Variants in CCDC171 observed in about 807,000 individuals in gnomAD.
CCDC171 encodes the protein coiled-coil domain-containing protein 171.
CCDC171 carries 177 observed loss-of-function variants against 168.2 expected under a neutral mutation model. That is an observed-to-expected ratio of 1.05 (90% CI 0.93 to 1.19). The LOEUF (loss-of-function observed/expected upper bound fraction) is 1.19, where lower values mean the gene tolerates loss of function less well. Among genes scored for constraint, CCDC171 ranks in the 50% most tolerant of loss-of-function variants. CCDC171 has a pLI of 0.00. For synonymous variants in CCDC171, 687 were observed against 540.8 expected, an observed-to-expected ratio of 1.27 and a Z score of -3.75; for missense variants, 1,991 against 1,539.0, an observed-to-expected ratio of 1.29 and a Z score of -4.91.
chr9:15,590,830 T>TTTCTTTC (rs1491053484), intron 4 of CCDC171, among the ~76,000 whole-genome samples: 17 of 146,528 alleles, frequency 1.2e-4, no homozygotes, highest in African/African-American at 3.3e-4. Context: ...TCTTTCTTTC[T>TTTCTTTC]TTCTTCTTCT....
At chr9:15,623,475 G>GCGCACGCGCGCACACACA in intron 7 of CCDC171, 62 bp downstream of exon 7, 14 of 315,440 alleles carry the variant, frequency 4.4e-5, no homozygotes, top group Non-Finnish European at 7.5e-5. Context: ...GCGCGCGCGC[G>GCGCACGCGCGCACACACA]CACACACACA....
chr9:15,672,708 A>G (rs1247680963), intron 9 of CCDC171, among the ~76,000 whole-genome samples: 2 of 152,168 alleles, frequency 1.3e-5, no homozygotes. Context: ...CCATTGGTCT[A>G]TATATCTGTT....
chr9:15,629,744 A>C (rs1333506501), intron 7 of CCDC171, among the ~76,000 whole-genome samples: 2 of 152,202 alleles, frequency 1.3e-5, no homozygotes, highest in East Asian at 1.9e-4. Context: ...CCAAAGTTGA[A>C]ATGAAGGAAA....
At chr9:16,019,238 C>T (rs1414352330) in intron 3 of CCDC171, among the ~76,000 whole-genome samples, 2 of 152,090 alleles carry the variant, frequency 1.3e-5, no homozygotes, top group Non-Finnish European at 1.5e-5. Flanking sequence ...AGGCAGGTCC[C>T]TGGAAAAAAT....
chr9:15,659,741 A>G (rs2048184169), intron 8 of CCDC171, among the ~76,000 whole-genome samples: 1 of 152,200 alleles, frequency 6.6e-6, no homozygotes, highest in Non-Finnish European at 1.5e-5. Flanking sequence ...ATCAAGTAGG[A>G]TGGTGGGATT....
chr9:15,881,666 A>T (rs954587080), intron 24 of CCDC171, among the ~76,000 whole-genome samples: 1 of 152,086 alleles, frequency 6.6e-6, no homozygotes, highest in African/African-American at 2.4e-5. Flanking sequence ...CCACCAATCT[A>T]TATATCTTCA....
intron 23 of CCDC171, among the ~76,000 whole-genome samples, chr9:15,852,500 A>G (rs116457711): frequency 1.3e-5 from 2 of 151,618 alleles, no homozygotes; most frequent in Non-Finnish European, 3.0e-5. Flanking sequence ...ATATATATGA[A>G]TTGAAAACAT....
chr9:15,571,719 A>T lies in CCDC171; in HGVS notation c.137A>T (p.Lys46Ile). The T allele has an allele frequency of 1.3e-6, 2 of 1,591,514 alleles. No homozygotes were observed. Among genetic ancestry groups the T allele is most frequent in the Non-Finnish European group, 1.7e-6 (2 of 1,174,588 alleles). The part of the protein sequence containing the change: ...DNLRKKLHWA[K>I]KEKLEITTKH... ...CTCAGGAAGAAACTCCATTGGGCTAAAAAAGAAAAGTTAGAAATAACAACC... is the reference window on the plus strand; with the variant it reads ...CTCAGGAAGAAACTCCATTGGGCTATAAAAGAAAAGTTAGAAATAACAACC... The change falls in exon 3 of 26, where the codon AAA becomes ATA. Residue 46 changes from lysine to isoleucine, a missense_variant. Physicochemically the swap from Lys to Ile is moderately radical, Grantham distance 102. Transcript: ENST00000380701.
chr9:15,793,443 T>C (rs2058376270), intron 21 of CCDC171, among the ~76,000 whole-genome samples: 1 of 151,818 alleles, frequency 6.6e-6, no homozygotes, highest in Non-Finnish European at 1.5e-5. Context: ...TATCCAGGAA[T>C]TGAACTCAGC....
At chr9:16,083,402 C>T in the CCDC171 span, among the ~76,000 whole-genome samples, 2 of 152,156 alleles carry the variant, frequency 1.3e-5, no homozygotes, top group East Asian at 3.8e-4. Flanking sequence ...CTTTCTACCA[C>T]AGAGAGAACC....
chr9:15,768,922 T>C (rs1588393227), intron 18 of CCDC171, among the ~76,000 whole-genome samples: 1 of 152,200 alleles, frequency 6.6e-6, no homozygotes, highest in African/African-American at 2.4e-5. Context: ...ATTAACACTT[T>C]AGCTAGATAA....
At chr9:16,021,510 G>T (rs986050050) in intron 4 of CCDC171, among the ~76,000 whole-genome samples, 5 of 152,198 alleles carry the variant, frequency 3.3e-5, no homozygotes, top group Non-Finnish European at 7.3e-5. Context: ...GTAACTAAAG[G>T]CAGGGATTTG....
rs546379873 is a variant in CCDC171, at chr9:15,900,776, C to A, written c.3601-19494C>A. ...ACACAGTGAATAGATAGACTGTCTT[C>A]TGGGTTTGGAAGCTTCCTTAGGCTC... On this transcript the variant is annotated intron_variant, in intron 24 of 25. Coordinates refer to ENST00000380701, the MANE Select transcript of CCDC171 (RefSeq NM_173550.4). Among the ~76,000 whole-genome samples the A allele has an allele frequency of 3.3e-5, 5 of 152,262 alleles. No homozygotes were observed. The South Asian group carries it at 1.0e-3, about 32-fold the overall frequency.
intron 24 of CCDC171, among the ~76,000 whole-genome samples, chr9:15,917,059 G>A (rs1017655362): frequency 2.0e-5 from 3 of 151,956 alleles, no homozygotes; most frequent in Non-Finnish European, 4.4e-5. Flanking sequence ...GTCGTAGAGG[G>A]TTAGACAGTC....
intron 2 of CCDC171, among the ~76,000 whole-genome samples, chr9:15,571,073 G>A (rs755029521): frequency 6.6e-5 from 10 of 152,014 alleles, no homozygotes; most frequent in Non-Finnish European, 1.2e-4. Context: ...GAGCTTTTGG[G>A]GGTTATCAGT....
At chr9:16,017,314 AC>A (rs1833051077) in intron 3 of CCDC171, among the ~76,000 whole-genome samples, 1 of 151,602 alleles carries the variant, frequency 6.6e-6, no homozygotes. Context: ...ACAAAAAAAT[AC>A]CATTTTGATT....
At chr9:15,892,606 G>C (rs978363819) in intron 24 of CCDC171, among the ~76,000 whole-genome samples, 3 of 151,986 alleles carry the variant, frequency 2.0e-5, no homozygotes, top group Non-Finnish European at 2.9e-5. Flanking sequence ...AAGTCTCAGA[G>C]TACAAAATCG....
intron 3 of CCDC171, among the ~76,000 whole-genome samples, chr9:15,997,310 C>T (rs1758552159): frequency 6.6e-6 from 1 of 152,204 alleles, no homozygotes; most frequent in South Asian, 2.1e-4. Context: ...GACTCTCGTA[C>T]CCCTACCATG....
At chr9:15,645,324 A>G (rs2046954196) in intron 7 of CCDC171, among the ~76,000 whole-genome samples, 1 of 140,866 alleles carries the variant, frequency 7.1e-6, no homozygotes, top group African/African-American at 2.6e-5. Context: ...TCTAAAAATC[A>G]GAGCTCTTCT....
Sources: allele counts gnomAD v4.1 joint callset (sites outside exome capture counted in the v4.1 genomes callset), GRCh38; gene constraint gnomAD v4.1.1; transcripts MANE v1.5; gene names NCBI Gene and HGNC (gene_info 2026-07-23, HGNC 2026-07-21).